DZIP3: variants seen among roughly 807,000 people sequenced by gnomAD.
DZIP3 encodes the protein DAZ interacting zinc finger protein 3.
Under a neutral mutation model 162.0 loss-of-function variants are expected in DZIP3, and 118 were observed. The observed-to-expected ratio is 0.73, with a 90% confidence interval of 0.63 to 0.85. The LOEUF is 0.85. Among genes scored for constraint, DZIP3 ranks in the 40% least tolerant of loss-of-function variants. The pLI, the probability that DZIP3 is intolerant of heterozygous loss-of-function variation, is 0.00. For missense variants in DZIP3, 1,331 were observed against 1,407.0 expected, an observed-to-expected ratio of 0.95 and a Z score of 0.86; for synonymous variants, 438 against 458.6, an observed-to-expected ratio of 0.96 and a Z score of 0.57.
chr3:108,639,010 C>T (rs953133819), intron 12 of DZIP3, among the ~76,000 whole-genome samples: 1 of 152,192 alleles, frequency 6.6e-6, no homozygotes, highest in African/African-American at 2.4e-5. Flanking sequence ...TCTCAAGAAA[C>T]CTCCCAAGTT....
intron 11 of DZIP3, 122 bp downstream of exon 11, chr3:108,636,830 T>C (rs981039804): frequency 1.5e-6 from 1 of 666,494 alleles, no homozygotes; most frequent in Non-Finnish European, 2.6e-6. Context: ...CCTTTAATGG[T>C]GACTGAGCTC....
At position 108,631,055 on chromosome 3, in the gene DZIP3, ACTCT is replaced by A. The variant is rs1270598841; in HGVS notation, c.697-1862_697-1859del. On this transcript the variant is annotated intron_variant, in intron 8 of 32. Coordinates refer to ENST00000361582, the MANE Select transcript of DZIP3 (RefSeq NM_014648.4). The stretch of plus-strand genomic sequence containing the variant: ...CACACACACACACACACACACACAC[ACTCT>A]CTCTCTCTCTCTCTCTCTCTCTCTC... Among the ~76,000 whole-genome samples, 9 of 18,016 alleles carry A rather than the reference ACTCT, an allele frequency of 5.0e-4. No individual in the cohort carries two copies. The East Asian group carries it at 0.013, about 25-fold the overall frequency. The allele number at this position is 18,016 out of a possible 152,430, so 11.8% of individuals were successfully genotyped here. A position where few individuals can be genotyped will look rare whatever the true frequency, so the allele number is the denominator to read the frequency against.
At position 108,644,598 on chromosome 3, in the gene DZIP3, T is replaced by A. The variant is rs921163152; in HGVS notation, c.1576T>A (p.Phe526Ile). The A allele has an allele frequency of 1.1e-5, 17 of 1,613,928 alleles. No individual in the cohort carries two copies. The highest frequency in any genetic ancestry group is 1.4e-5 in the Non-Finnish European group (17 of 1,179,958). ...ILMNGLTESQ[F>I]NSIWKKVSDI... Reference sequence around the variant, plus strand: ...GATGAATGGTCTCACTGAGTCACAGTTCAATTCAATTTGGAAAAAAGTTTC... The same window carrying A: ...GATGAATGGTCTCACTGAGTCACAGATCAATTCAATTTGGAAAAAAGTTTC... The change falls in exon 14 of 33, where the codon TTC becomes ATC. Residue 526 changes from phenylalanine to isoleucine, a missense_variant. Transcript: ENST00000361582.
chr3:108,618,890 G>C (rs13097993), intron 5 of DZIP3, among the ~76,000 whole-genome samples: 1 of 151,258 alleles, frequency 6.6e-6, no homozygotes, highest in African/African-American at 2.4e-5. Context: ...GTGAAACCCC[G>C]TGTGTACCAA....
chr3:108,692,437 G>C (rs1944733426), intron 32 of DZIP3, among the ~76,000 whole-genome samples: 1 of 152,134 alleles, frequency 6.6e-6, no homozygotes, highest in Non-Finnish European at 1.5e-5. Context: ...GAAAGGGACA[G>C]TTCATATGTT....
chr3:108,684,795 A>G (rs1345165572), intron 27 of DZIP3, among the ~76,000 whole-genome samples: 3 of 152,170 alleles, frequency 2.0e-5, no homozygotes, highest in African/African-American at 4.8e-5. Context: ...TAAACAGACT[A>G]TAAATAGCAT....
At chr3:108,645,148 G>A (rs138656953) in intron 14 of DZIP3, among the ~76,000 whole-genome samples, 25 of 152,298 alleles carry the variant, frequency 1.6e-4, no homozygotes, top group East Asian at 7.7e-4. Flanking sequence ...TGAGATTAAA[G>A]TAGGGGAGAG....
intron 26 of DZIP3, among the ~76,000 whole-genome samples, chr3:108,681,050 C>G (rs755234841): frequency 4.6e-5 from 7 of 152,158 alleles, no homozygotes; most frequent in Non-Finnish European, 5.9e-5. Context: ...GCAAAGACTT[C>G]ATGACTAAAA....
intron 19 of DZIP3, among the ~76,000 whole-genome samples, chr3:108,654,585 G>C (rs1036147149): frequency 1.3e-5 from 2 of 151,656 alleles, no homozygotes; most frequent in Non-Finnish European, 2.9e-5. Context: ...TCTTGCAAAC[G>C]TTTTTCGAAT....
At position 108,629,185 on chromosome 3, in the gene DZIP3, T is replaced by A. The variant is rs780967219; in HGVS notation, c.696+9T>A. ...TACCTACAACTTTTAAAGTAAGAAA[T>A]TATTTAAGAGTAACATTTTATTTGT... On this transcript the variant is annotated intron_variant, in intron 8 of 32. Transcript: ENST00000361582. The A allele has an allele frequency of 6.6e-7, 1 of 1,508,512 alleles. No homozygotes were observed. The highest frequency in any genetic ancestry group is 1.4e-5 in the African/African-American group (1 of 70,832). The allele number at this position is 1,508,512 out of a possible 1,614,324, so 93.4% of individuals were successfully genotyped here. A position where few individuals can be genotyped will look rare whatever the true frequency, so the allele number is the denominator to read the frequency against.
intron 18 of DZIP3, among the ~76,000 whole-genome samples, chr3:108,652,209 AAT>A (rs1196242173): frequency 6.6e-6 from 1 of 151,864 alleles, no homozygotes; most frequent in Non-Finnish European, 1.5e-5. Flanking sequence ...AGAATTTTCA[AAT>A]ATACACAGAA....
In DZIP3 at chr3:108,691,408, TA is replaced by T. The variant is rs1277070338; in HGVS notation, c.*6+518del. The T allele has an allele frequency of 5.4e-3, 676 of 124,262 alleles. 2 individuals carry two copies. The highest frequency in any genetic ancestry group is 0.012 in the African/African-American group (425 of 34,210). 7.7% of individuals were successfully genotyped at this position (124,262 alleles called of 1,614,324 possible). On this transcript the variant is annotated intron_variant, in intron 32 of 32. Transcript: ENST00000361582. ...ATAATAAAAGAAAAAAAAAAGAAAGTAAAAAAAAAAAAAGAAGTGGATATTC... is the reference window on the plus strand; with the variant it reads ...ATAATAAAAGAAAAAAAAAAGAAAGTAAAAAAAAAAAAGAAGTGGATATTC...
In DZIP3 at chr3:108,616,502, C is replaced by G. The variant is rs764990000; in HGVS notation, c.259-39C>G. 5.9e-6 allele frequency: 8 copies of G among 1,359,710 alleles called. No homozygotes were observed. The South Asian group carries it at 1.0e-4, about 17-fold the overall frequency. 84.2% of individuals were successfully genotyped at this position (1,359,710 alleles called of 1,614,324 possible). A position where few individuals can be genotyped will look rare whatever the true frequency, so the allele number is the denominator to read the frequency against. Reference sequence around the variant, plus strand: ...ATGTAAACATATGTAGATGTTTGTTCAGACTTATAGACATTTTTAACTGAA... The same window carrying G: ...ATGTAAACATATGTAGATGTTTGTTGAGACTTATAGACATTTTTAACTGAA... On this transcript the variant is annotated intron_variant, in intron 4 of 32. Coordinates refer to ENST00000361582, the MANE Select transcript of DZIP3 (RefSeq NM_014648.4).
Position 108,688,726 on chromosome 3 carries a change from C to T in DZIP3, c.3404C>T (p.Ala1135Val), listed in dbSNP as rs1412177038. 1.2e-6 allele frequency: 2 copies of T among 1,613,712 alleles called. No individual in the cohort carries two copies. Among genetic ancestry groups the T allele is most frequent in the Admixed American group, 1.7e-5 (1 of 59,946 alleles). The change falls in exon 30 of 33, where the codon GCC becomes GTC. Residue 1135 changes from alanine to valine, a missense_variant. Ala to Val is a moderately conservative substitution (Grantham distance 64). Around this residue, in one of 2 missense-constraint regions of DZIP3, gnomAD observed 1,278 missense variants for 1,317.1 expected, o/e 0.97. Coordinates refer to ENST00000361582, the MANE Select transcript of DZIP3 (RefSeq NM_014648.4). ...TSQGPATWEG[A>V]SNPDEEEEEE... ...CAGGGTCCTGCCACATGGGAAGGAGCCAGTAATCCAGTGAGACTGAAATTT... is the reference window on the plus strand; with the variant it reads ...CAGGGTCCTGCCACATGGGAAGGAGTCAGTAATCCAGTGAGACTGAAATTT...
intron 1 of DZIP3, among the ~76,000 whole-genome samples, chr3:108,591,173 A>C (rs893394087): frequency 1.3e-5 from 2 of 152,220 alleles, no homozygotes; most frequent in African/African-American, 2.4e-5. Flanking sequence ...ATGGCAAAGA[A>C]AGACCCTAAA....
rs1943962341 is a variant in DZIP3, at chr3:108,672,592, A to G, written c.2525A>G (p.Glu842Gly). 6.2e-7 allele frequency: 1 copy of G among 1,612,076 alleles called. No individual in the cohort carries two copies. Among genetic ancestry groups the G allele is most frequent in the Non-Finnish European group, 8.5e-7 (1 of 1,178,662 alleles). The change falls in exon 23 of 33, where the codon GAA (glutamate) becomes GGA (glycine). Residue 842 changes from glutamate (E) to glycine (G), a missense_variant. Glu to Gly is a moderately conservative substitution (Grantham distance 98). Transcript: ENST00000361582. The part of the protein sequence containing the change: ...SQWEMEKHNL[E>G]STMKTYVSKL... ...TGGGAAATGGAAAAACATAATCTGG[A>G]AAGCACAATGAAAACATACGTAAGC...
At chr3:108,616,697 G>A (rs1941037474) in intron 5 of DZIP3, 40 bp downstream of exon 5, 1 of 1,398,992 alleles carries the variant, frequency 7.1e-7, no homozygotes. Context: ...TAATGGACTT[G>A]GTCAACATTT....
Position 108,690,215 on chromosome 3 carries a change from C to G in DZIP3, c.3517-572C>G, listed in dbSNP as rs547196157. ...ATATAGTGCTTATTATTAATCCTCT[C>G]TCATCTGACCTGGCCCTCCATTATT... On this transcript the variant is annotated intron_variant, in intron 31 of 32. Coordinates refer to ENST00000361582, the MANE Select transcript of DZIP3 (RefSeq NM_014648.4). 3.9e-5 allele frequency among the ~76,000 whole-genome samples: 6 copies of G among 152,296 alleles called. No individual in the cohort carries two copies. The South Asian group carries it at 1.0e-3, about 26-fold the overall frequency.
At chr3:108,651,226 A>T in intron 18 of DZIP3, 64 bp downstream of exon 18, 1 of 561,594 alleles carries the variant, frequency 1.8e-6, no homozygotes, top group Non-Finnish European at 2.5e-6. Context: ...CTTTCCTAAT[A>T]TGACACAGGC....
Sources: allele counts gnomAD v4.1 joint callset (sites outside exome capture counted in the v4.1 genomes callset), GRCh38; gene constraint gnomAD v4.1.1; regional missense constraint gnomAD v4.1.1; transcripts MANE v1.5; gene names NCBI Gene and HGNC (gene_info 2026-07-23, HGNC 2026-07-21).